The following NLRC5 variants were observed in gnomAD, a reference collection of about 807,000 sequenced individuals.
NLRC5 encodes NLR family CARD domain containing 5, also known as protein NLRC5.
NLRC5 carries 114 observed loss-of-function variants against 206.9 expected under a neutral mutation model. That is an observed-to-expected ratio of 0.55 (90% confidence interval 0.47 to 0.64). NLRC5 has a LOEUF of 0.64. Among genes scored for constraint, NLRC5 ranks in the 30% least tolerant of loss-of-function variants. The pLI is 0.00. For missense variants in NLRC5, 2,008 were observed against 2,305.5 expected (o/e 0.87, Z 2.64); for synonymous variants, 952 against 962.8 (o/e 0.99, Z 0.21).
At position 57,079,467 on chromosome 16, in the gene NLRC5, G is replaced by T; in HGVS notation, c.5238-79G>T. 8 of 1,396,468 alleles carry T rather than the reference G, an allele frequency of 5.7e-6. No homozygotes were observed. In the South Asian group the frequency reaches 9.3e-5, roughly 16 times the overall value. 86.5% of individuals were successfully genotyped at this position (1,396,468 alleles called of 1,614,324 possible). A position where few individuals can be genotyped will look rare whatever the true frequency, so the allele number is the denominator to read the frequency against. The stretch of plus-strand genomic sequence containing the variant: ...AACGCCTAGCTTACCCCAGACCCTG[G>T]TGGCTCTGGAGGCAGGACCTGCTAG... On this transcript the variant is annotated intron_variant, in intron 45 of 48. Coordinates refer to ENST00000688547, the MANE Select transcript of NLRC5 (RefSeq NM_001384950.1).
chr16:57,076,337 G>T (rs532987864), intron 39 of NLRC5, among the ~76,000 whole-genome samples: 9 of 152,350 alleles, frequency 5.9e-5, no homozygotes, highest in Admixed American at 4.6e-4. Flanking sequence ...GCAGAGCAAG[G>T]TCAGGGCTCA....
intron 27 of NLRC5, among the ~76,000 whole-genome samples, chr16:57,056,058 C>T (rs917102942): frequency 2.6e-5 from 4 of 152,176 alleles, no homozygotes; most frequent in Non-Finnish European, 5.9e-5. Flanking sequence ...TTTCCCATAT[C>T]CCTGGATACT....
In NLRC5 at chr16:57,067,746, G is replaced by A. The variant is rs2067224887; in HGVS notation, c.4417G>A (p.Val1473Ile). 1 of 1,614,042 alleles carries A rather than the reference G, an allele frequency of 6.2e-7. No individual in the cohort carries two copies. Reference protein sequence around the residue: ...ARLQQLSLSQVNLCEDDDASS... With the variant: ...ARLQQLSLSQINLCEDDDASS... ...CTTGGACCTTTTCAGCTTGTCTCAG[G>A]TTAACCTCTGTGAGGACGATGATGC... Residue 1473 changes from valine (V) to isoleucine (I), a missense_variant, in exon 36 of 49, where the codon GTT becomes ATT. Transcript: ENST00000688547.
intron 30 of NLRC5, among the ~76,000 whole-genome samples, chr16:57,061,149 T>C (rs2144665489): frequency 6.6e-6 from 1 of 152,340 alleles, no homozygotes; most frequent in East Asian, 1.9e-4. Context: ...AAGGAGACCC[T>C]GCGGGTAAGG....
Position 57,021,207 on chromosome 16 carries a change from C to G in NLRC5, c.295+200C>G, listed in dbSNP as rs577454687. 105 of 550,894 alleles carry G rather than the reference C, an allele frequency of 1.9e-4. 2 individuals carry two copies. In the South Asian group the frequency reaches 2.6e-3, roughly 13 times the overall value. The allele number at this position is 550,894 out of a possible 1,614,324, so 34.1% of individuals were successfully genotyped here. A position where few individuals can be genotyped will look rare whatever the true frequency, so the allele number is the denominator to read the frequency against. ...GGGGCCTGGAGGACCCCTCCTTCTA[C>G]CTGGCTTCACTCGAATTGCTCGAAT... On this transcript the variant is annotated intron_variant, in intron 3 of 48. Transcript: ENST00000688547.
At chr16:57,063,360 C>A (rs1220956490) in intron 32 of NLRC5, among the ~76,000 whole-genome samples, 1 of 152,020 alleles carries the variant, frequency 6.6e-6, no homozygotes, top group Non-Finnish European at 1.5e-5. Flanking sequence ...AGATGATCTG[C>A]CCGTTTCGGC....
intron 6 of NLRC5, 91 bp from the exon 7 acceptor site, chr16:57,027,981 G>A: frequency 1.3e-6 from 1 of 778,908 alleles, no homozygotes; most frequent in Non-Finnish European, 2.1e-6. Flanking sequence ...TAGTACTACT[G>A]TATTAAGCCC....
intron 20 of NLRC5, 146 bp from the exon 21 acceptor site, chr16:57,045,302 T>C (rs1459473424): frequency 1.1e-5 from 7 of 663,352 alleles, no homozygotes; most frequent in South Asian, 1.0e-4. Context: ...ACTTGATACA[T>C]GTAATTGTTG....
intron 13 of NLRC5, among the ~76,000 whole-genome samples, chr16:57,035,245 G>C (rs570252021): frequency 6.6e-6 from 1 of 152,066 alleles, no homozygotes; most frequent in African/African-American, 2.4e-5. Context: ...CACCTTTCTA[G>C]TCCAACCCAC....
At chr16:57,003,617 T>A (rs2058559473) in intron 1 of NLRC5, among the ~76,000 whole-genome samples, 1 of 152,090 alleles carries the variant, frequency 6.6e-6, no homozygotes, top group Admixed American at 6.5e-5. Flanking sequence ...GGGGGTGCAG[T>A]GACGTGAAGT....
At chr16:57,079,018 C>T (rs1248696180) in intron 43 of NLRC5, 32 bp from the exon 44 acceptor site, 1 of 1,599,048 alleles carries the variant, frequency 6.3e-7, no homozygotes, top group Non-Finnish European at 8.6e-7. Context: ...GCCAGTCCCT[C>T]AGGCTCCTCT....
chr16:57,019,781 T>A (rs928796758), intron 2 of NLRC5, among the ~76,000 whole-genome samples: 2 of 152,210 alleles, frequency 1.3e-5, no homozygotes, highest in Non-Finnish European at 2.9e-5. Flanking sequence ...TATAATAATC[T>A]ATTCTAGATG....
At chr16:57,074,578 CA>C in intron 38 of NLRC5, 21 bp from the exon 39 acceptor site, 1 of 1,612,320 alleles carries the variant, frequency 6.2e-7, no homozygotes, top group Non-Finnish European at 8.5e-7. Context: ...ATGTCAAGTT[CA>C]CCTGGCCTCC....
In NLRC5 at chr16:57,046,619, C is replaced by T. The variant is rs375970021; in HGVS notation, c.3316C>T (p.Arg1106Cys). The T allele has an allele frequency of 9.3e-6, 15 of 1,613,846 alleles. No homozygotes were observed. Among genetic ancestry groups the T allele is most frequent in the South Asian group, 4.4e-5 (4 of 91,080 alleles). The part of the protein sequence containing the change: ...AAAKFLGFRQ[R>C]CIPRSLCLSE... ...AGCCAAGTTCTTAGGGTTCCGTCAG[C>T]GCTGCATCCCCAGGAGCCTCTGGTA... The change falls in exon 22 of 49, where the codon CGC becomes TGC. Residue 1106 changes from arginine to cysteine, a missense_variant. Arg to Cys is a radical substitution (Grantham distance 180). Coordinates refer to ENST00000688547, the MANE Select transcript of NLRC5 (RefSeq NM_001384950.1).
In NLRC5 at chr16:57,026,149, G is replaced by C. The variant is rs374611532; in HGVS notation, c.1206G>C (p.Leu402=). The part of the protein sequence containing the change: ...ELQTNGRLRS[L]CAVPALCQVA... ...AGACAAATGGACGTCTCCGAAGCCTGTGTGCGGTGCCCGCACTGTGCCAAG... is the reference window on the plus strand; with the variant it reads ...AGACAAATGGACGTCTCCGAAGCCTCTGTGCGGTGCCCGCACTGTGCCAAG... The change falls in exon 6 of 49, where the codon CTG becomes CTC. Residue 402 remains leucine (L), a synonymous_variant. Transcript: ENST00000688547. 7.4e-6 allele frequency: 12 copies of C among 1,613,894 alleles called. No homozygotes were observed. In the African/African-American group the frequency reaches 1.5e-4, roughly 20 times the overall value.
intron 27 of NLRC5, 120 bp downstream of exon 27, chr16:57,055,639 G>A: frequency 2.6e-6 from 2 of 769,658 alleles, no homozygotes; most frequent in Non-Finnish European, 4.4e-6. Flanking sequence ...CACCTCTCAG[G>A]ACCAGCTGTC....
intron 1 of NLRC5, among the ~76,000 whole-genome samples, chr16:56,999,683 G>A (rs2058033028): frequency 6.6e-6 from 1 of 152,278 alleles, no homozygotes; most frequent in Non-Finnish European, 1.5e-5. Flanking sequence ...GCTCTGCCCT[G>A]GGAAGGGGAT....
At chr16:57,030,701 A>T (rs997661898) in intron 10 of NLRC5, among the ~76,000 whole-genome samples, 2 of 152,242 alleles carry the variant, frequency 1.3e-5, no homozygotes, top group African/African-American at 2.4e-5. Flanking sequence ...AAGCACAGGC[A>T]TAGCCAAAGG....
intron 36 of NLRC5, among the ~76,000 whole-genome samples, chr16:57,069,018 T>C (rs1295908998): frequency 1.3e-5 from 2 of 152,252 alleles, no homozygotes; most frequent in African/African-American, 2.4e-5. Context: ...TCGGGGCACA[T>C]GATGTGTCAG....
Sources: gnomAD v4.1 joint callset for allele counts (sites outside exome capture counted in the v4.1 genomes callset) on GRCh38, gnomAD v4.1.1 for gene constraint, MANE v1.5 for transcripts, NCBI Gene and HGNC (gene_info 2026-07-23, HGNC 2026-07-21) for gene names.